BMP2K: variants seen among roughly 807,000 people sequenced by gnomAD.
BMP2K encodes the protein BMP2 inducible kinase.
Under a neutral mutation model 116.0 loss-of-function variants are expected in BMP2K, and 74 were observed. The observed-to-expected ratio is 0.64, with a 90% CI of 0.53 to 0.77. The LOEUF (loss-of-function observed/expected upper bound fraction) is 0.77. Ranked by LOEUF, BMP2K falls within the 30% of genes least tolerant of loss-of-function variation. The pLI, the probability that BMP2K is intolerant of heterozygous loss-of-function variation, is 0.00. For synonymous variants in BMP2K, 486 were observed against 502.5 expected (o/e 0.97, Z 0.44); for missense variants, 1,365 against 1,403.6 (o/e 0.97, Z 0.44).
chr4:78,859,442 T>G, intron 7 of BMP2K, 142 bp from the exon 8 acceptor site: 1 of 504,240 alleles, frequency 2.0e-6, no homozygotes, highest in Non-Finnish European at 3.4e-6. Flanking sequence ...GCATTTTCTG[T>G]AGGCATTAAT....
intron 15 of BMP2K, among the ~76,000 whole-genome samples, chr4:78,902,371 T>G (rs1002022265): frequency 6.6e-6 from 1 of 152,144 alleles, no homozygotes; most frequent in African/African-American, 2.4e-5. Context: ...GAAATACTGT[T>G]CACAACTATT....
chr4:78,778,135 TA>T (rs1727335739), intron 1 of BMP2K, among the ~76,000 whole-genome samples: 1 of 152,238 alleles, frequency 6.6e-6, no homozygotes, highest in African/African-American at 2.4e-5. Flanking sequence ...TGAATTGTTT[TA>T]GTAACTAATT....
intron 15 of BMP2K, 147 bp downstream of exon 15, chr4:78,887,431 AATG>A: frequency 1.5e-6 from 1 of 647,226 alleles, no homozygotes; most frequent in Non-Finnish European, 2.7e-6. Context: ...TACTCTTCTT[AATG>A]ATGTTCTTTG....
intron 9 of BMP2K, among the ~76,000 whole-genome samples, chr4:78,864,345 A>G (rs1323765567): frequency 6.6e-6 from 1 of 152,058 alleles, no homozygotes; most frequent in African/African-American, 2.4e-5. Context: ...ATGTCAGTAA[A>G]TACTTGATTA....
intron 1 of BMP2K, among the ~76,000 whole-genome samples, chr4:78,822,798 G>T (rs1729687038): frequency 6.6e-6 from 1 of 152,228 alleles, no homozygotes; most frequent in South Asian, 2.1e-4. Flanking sequence ...ATTCTAGATA[G>T]AAGTACCTGA....
At chr4:78,801,982 T>G (rs1313909317) in intron 1 of BMP2K, among the ~76,000 whole-genome samples, 3 of 152,242 alleles carry the variant, frequency 2.0e-5, no homozygotes, top group Non-Finnish European at 2.9e-5. Context: ...TGATCTTCCA[T>G]CTAGGCTCAA....
At chr4:78,806,917 C>T (rs992286779) in intron 1 of BMP2K, among the ~76,000 whole-genome samples, 2 of 150,962 alleles carry the variant, frequency 1.3e-5, no homozygotes, top group Admixed American at 1.3e-4. Flanking sequence ...GGCATGTCCT[C>T]GGCTCACTGC....
chr4:78,840,277 T>A (rs1220558620), intron 3 of BMP2K, among the ~76,000 whole-genome samples: 4 of 152,100 alleles, frequency 2.6e-5, no homozygotes, highest in Non-Finnish European at 4.4e-5. Context: ...CTCATTTTAT[T>A]TTATTTTATT....
In BMP2K at chr4:78,828,199, C is replaced by A. The variant is rs564513631; in HGVS notation, c.297+2044C>A. Among the ~76,000 whole-genome samples the A allele has an allele frequency of 2.0e-5, 3 of 152,298 alleles. No homozygotes were observed. The East Asian group carries it at 5.8e-4, about 29-fold the overall frequency. On this transcript the variant is annotated intron_variant, in intron 2 of 15. Transcript: ENST00000502613. ...CACCTTCTAACTTAAAGTTGCAGTT[C>A]CCACCACCTGCTCTTTAGATTCTAT...
chr4:78,788,729 GT>G (rs1727857332), intron 1 of BMP2K, among the ~76,000 whole-genome samples: 1 of 151,538 alleles, frequency 6.6e-6, no homozygotes, highest in Admixed American at 6.6e-5. Context: ...TTTGTGTATG[GT>G]ATTTTTTGCC....
intron 7 of BMP2K, among the ~76,000 whole-genome samples, chr4:78,852,488 A>T (rs1322506743): frequency 6.6e-6 from 1 of 152,196 alleles, no homozygotes; most frequent in Non-Finnish European, 1.5e-5. Flanking sequence ...ATGGACTTTT[A>T]AAGTATTGTA....
At chr4:78,829,799 TCTCTTCTCTTCTCTTCTCTTCTCTTCTC>T (rs1730106029) in intron 2 of BMP2K, among the ~76,000 whole-genome samples, 4 of 130,304 alleles carry the variant, frequency 3.1e-5, no homozygotes, top group African/African-American at 1.3e-4. Flanking sequence ...TCTCTTCTCT[TCTCTTCTCTTCTCTTCTCTTCTCTTCTC>T]TTCTCTTCTC....
intron 13 of BMP2K, among the ~76,000 whole-genome samples, chr4:78,873,656 CTCTGTGTGTGTG>C (rs1479765621): frequency 0.011 from 1,498 of 138,182 alleles, 20 homozygotes; most frequent in African/African-American, 0.033. Context: ...GCCTCCCAAC[CTCTGTGTGTGTG>C]TGTGTGTGTG....
intron 7 of BMP2K, among the ~76,000 whole-genome samples, chr4:78,857,477 T>C (rs988441958): frequency 2.0e-5 from 3 of 152,146 alleles, no homozygotes; most frequent in Non-Finnish European, 4.4e-5. Flanking sequence ...TATTTTTTTC[T>C]CTCTCAGTGC....
At position 78,829,412 on chromosome 4, in the gene BMP2K, T is replaced by C. The variant is rs898754621; in HGVS notation, c.297+3257T>C. Among the ~76,000 whole-genome samples the C allele has an allele frequency of 5.6e-3, 845 of 151,816 alleles. 11 individuals carry two copies. Among genetic ancestry groups the C allele is most frequent in the African/African-American group, 0.019 (801 of 41,484 alleles). On this transcript the variant is annotated intron_variant, in intron 2 of 15. Coordinates refer to ENST00000502613, the MANE Select transcript of BMP2K (RefSeq NM_198892.2). The stretch of plus-strand genomic sequence containing the variant: ...TAATTATAGTTTTTTGTTTTTTTTT[T>C]TTTTTCTGTTTCTACCATGTCTGCA...
At chr4:78,890,267 A>G (rs769089592) in intron 15 of BMP2K, among the ~76,000 whole-genome samples, 2 of 152,066 alleles carry the variant, frequency 1.3e-5, no homozygotes, top group Non-Finnish European at 2.9e-5. Flanking sequence ...GCATTTTAAT[A>G]TATCATGCTA....
intron 3 of BMP2K, among the ~76,000 whole-genome samples, chr4:78,834,254 G>A (rs1007887750): frequency 2.0e-5 from 3 of 149,686 alleles, no homozygotes; most frequent in Non-Finnish European, 4.4e-5. Context: ...AAAAATTCCT[G>A]ACATTTAAAT....
At chr4:78,864,201 A>C (rs1731932656) in intron 9 of BMP2K, among the ~76,000 whole-genome samples, 1 of 152,156 alleles carries the variant, frequency 6.6e-6, no homozygotes, top group African/African-American at 2.4e-5. Context: ...CAACAAGGCA[A>C]CATCAGGTCT....
intron 1 of BMP2K, among the ~76,000 whole-genome samples, chr4:78,819,626 C>T (rs1729518658): frequency 6.6e-6 from 1 of 152,118 alleles, no homozygotes; most frequent in Non-Finnish European, 1.5e-5. Flanking sequence ...AATTAATTTG[C>T]ATTTGGTCAC....
Sources: gnomAD v4.1 joint callset for allele counts (sites outside exome capture counted in the v4.1 genomes callset) on GRCh38, gnomAD v4.1.1 for gene constraint, MANE v1.5 for transcripts, NCBI Gene and HGNC (gene_info 2026-07-23, HGNC 2026-07-21) for gene names.